The following SRBD1 variants were observed in gnomAD, a reference collection of about 807,000 sequenced individuals.
SRBD1 encodes S1 RNA binding domain 1, also known as S1 RNA-binding domain-containing protein 1.
In SRBD1, 88 loss-of-function variants were observed where a neutral mutation model predicts 115.3. The ratio of observed to expected loss-of-function variants is 0.76; its 90% CI spans 0.64 to 0.91. The LOEUF (loss-of-function observed/expected upper bound fraction) is 0.91, where lower values mean the gene tolerates loss of function less well. Among genes scored for constraint, SRBD1 ranks in the 40% least tolerant of loss-of-function variants. The pLI, the probability that SRBD1 is intolerant of heterozygous loss-of-function variation, is 0.00. For synonymous variants in SRBD1, 509 were observed against 407.7 expected, an observed-to-expected ratio of 1.25 and a Z score of -2.99; for missense variants, 1,385 against 1,177.4, an observed-to-expected ratio of 1.18 and a Z score of -2.58.
chr2:45,569,977 A>G (rs930918243), intron 9 of SRBD1, among the ~76,000 whole-genome samples: 2 of 152,242 alleles, frequency 1.3e-5, no homozygotes, highest in African/African-American at 4.8e-5. Flanking sequence ...GACATTCACT[A>G]GAGCAGAAGT....
chr2:45,565,404 A>C (rs1672794865), intron 9 of SRBD1, among the ~76,000 whole-genome samples: 1 of 152,234 alleles, frequency 6.6e-6, no homozygotes, highest in Non-Finnish European at 1.5e-5. Context: ...ATAAATCATG[A>C]ATAACTAGAA....
At chr2:45,606,665 T>TA (rs947814696) in intron 1 of SRBD1, among the ~76,000 whole-genome samples, 7 of 151,962 alleles carry the variant, frequency 4.6e-5, no homozygotes, top group East Asian at 1.9e-4. Flanking sequence ...GGCCAAGCTG[T>TA]AAAAAAAAGT....
chr2:45,556,240 G>C (rs1209808802), intron 10 of SRBD1, among the ~76,000 whole-genome samples: 1 of 151,938 alleles, frequency 6.6e-6, no homozygotes, highest in Non-Finnish European at 1.5e-5. Context: ...AGAGGAGTAG[G>C]ATTTCTCTAC....
intron 14 of SRBD1, among the ~76,000 whole-genome samples, chr2:45,513,182 A>G: frequency 6.6e-6 from 1 of 152,148 alleles, no homozygotes; most frequent in East Asian, 1.9e-4. Flanking sequence ...CAGCAAGAAC[A>G]TATCCATAGG....
chr2:45,440,230 A>C (rs1363948127), intron 16 of SRBD1, among the ~76,000 whole-genome samples: 1 of 152,074 alleles, frequency 6.6e-6, no homozygotes, highest in African/African-American at 2.4e-5. Context: ...ATGAATCATG[A>C]AACTAAAAAA....
chr2:45,440,420 C>T (rs1034270063), intron 16 of SRBD1, among the ~76,000 whole-genome samples: 1 of 152,088 alleles, frequency 6.6e-6, no homozygotes, highest in African/African-American at 2.4e-5. Flanking sequence ...GTCTGCCTTG[C>T]CCACATATTT....
At chr2:45,566,893 T>C (rs1489380607) in intron 9 of SRBD1, among the ~76,000 whole-genome samples, 1 of 152,136 alleles carries the variant, frequency 6.6e-6, no homozygotes, top group Non-Finnish European at 1.5e-5. Flanking sequence ...TTCTCACTAA[T>C]TCTTAATGGC....
At chr2:45,521,182 T>C (rs10188597) in intron 14 of SRBD1, among the ~76,000 whole-genome samples, 9,160 of 151,732 alleles carry the variant, frequency 0.06, 414 homozygotes, top group African/African-American at 0.12. Context: ...CCAAATCCAC[T>C]ACCTAGATGA....
intron 14 of SRBD1, among the ~76,000 whole-genome samples, chr2:45,541,779 G>T (rs1293967438): frequency 1.3e-5 from 2 of 152,246 alleles, no homozygotes; most frequent in African/African-American, 4.8e-5. Flanking sequence ...CAGACCCAAA[G>T]TGGGTGGCTC....
At chr2:45,517,936 G>C (rs1671170393) in intron 14 of SRBD1, among the ~76,000 whole-genome samples, 1 of 152,068 alleles carries the variant, frequency 6.6e-6, no homozygotes, top group African/African-American at 2.4e-5. Flanking sequence ...GGGAGGTTGA[G>C]ACTGCAATGA....
chr2:45,427,336 T>C (rs888689263), intron 16 of SRBD1, among the ~76,000 whole-genome samples: 1 of 152,170 alleles, frequency 6.6e-6, no homozygotes, highest in African/African-American at 2.4e-5. Flanking sequence ...GACTGGCAAA[T>C]TGGATAGAGT....
intron 14 of SRBD1, among the ~76,000 whole-genome samples, chr2:45,490,085 T>C (rs1427335321): frequency 2.0e-5 from 3 of 152,178 alleles, no homozygotes; most frequent in African/African-American, 7.2e-5. Flanking sequence ...AATACTGCAT[T>C]TTCTCCAAAA....
At chr2:45,510,357 T>C (rs1168411256) in intron 14 of SRBD1, among the ~76,000 whole-genome samples, 1 of 152,146 alleles carries the variant, frequency 6.6e-6, no homozygotes, top group African/African-American at 2.4e-5. Context: ...TATAATACAA[T>C]TAAAGGATAA....
At chr2:45,562,953 T>C (rs1166095473) in intron 9 of SRBD1, among the ~76,000 whole-genome samples, 197 bp from the exon 10 acceptor site, 2 of 152,110 alleles carry the variant, frequency 1.3e-5, no homozygotes, top group Non-Finnish European at 2.9e-5. Context: ...TCTTAGAAAA[T>C]AAAATGCAGA....
intron 14 of SRBD1, among the ~76,000 whole-genome samples, chr2:45,492,599 T>C (rs1004036583): frequency 1.3e-5 from 2 of 152,006 alleles, no homozygotes; most frequent in African/African-American, 4.8e-5. Flanking sequence ...CCACCACACC[T>C]GGCTAATTTT....
intron 16 of SRBD1, among the ~76,000 whole-genome samples, chr2:45,439,536 G>C (rs1668598261): frequency 6.6e-6 from 1 of 151,442 alleles, no homozygotes; most frequent in African/African-American, 2.4e-5. Flanking sequence ...AAGAAGTATA[G>C]CTGAAAAGTC....
chr2:45,448,943 A>G (rs1668908387), intron 16 of SRBD1, among the ~76,000 whole-genome samples: 1 of 152,182 alleles, frequency 6.6e-6, no homozygotes, highest in Admixed American at 6.5e-5. Context: ...ACTTTTACGG[A>G]TATTTCCTTC....
At chr2:45,448,885 G>A (rs1415672206) in intron 16 of SRBD1, among the ~76,000 whole-genome samples, 1 of 152,156 alleles carries the variant, frequency 6.6e-6, no homozygotes, top group Non-Finnish European at 1.5e-5. Flanking sequence ...AATGCACAAA[G>A]AGAAGAAGAA....
chr2:45,601,837 T>G, intron 3 of SRBD1, 66 bp downstream of exon 3: 1 of 1,573,342 alleles, frequency 6.4e-7, no homozygotes, highest in Non-Finnish European at 8.6e-7. Flanking sequence ...CTCTGTAGAA[T>G]AAGAAAATAA....
Sources: gnomAD v4.1 joint callset for allele counts (sites outside exome capture counted in the v4.1 genomes callset) on GRCh38, gnomAD v4.1.1 for gene constraint, MANE v1.5 for transcripts, NCBI Gene and HGNC (gene_info 2026-07-23, HGNC 2026-07-21) for gene names.